The following CASTOR2 variants were observed in gnomAD, a reference collection of about 807,000 sequenced individuals.
The protein encoded by CASTOR2 is GATS protein like 2.
In CASTOR2, 8 loss-of-function variants were observed where a neutral mutation model predicts 31.2. The ratio of observed to expected loss-of-function variants is 0.26; its 90% CI spans 0.15 to 0.46. The LOEUF is 0.46. Among genes scored for constraint, CASTOR2 ranks in the 20% least tolerant of loss-of-function variants. CASTOR2 has a pLI of 0.99. For missense variants in CASTOR2, 216 were observed against 382.1 expected (o/e 0.57, Z 3.62); for synonymous variants, 162 against 158.7 (o/e 1.02, Z -0.16).
intron 1 of CASTOR2, among the ~76,000 whole-genome samples, chr7:74,993,980 G>T (rs1804276506): frequency 6.6e-6 from 1 of 152,210 alleles, no homozygotes; most frequent in Non-Finnish European, 1.5e-5. Context: ...CGGGACTCTG[G>T]CTGGGCCAGG....
chr7:75,017,403 C>A (rs1370292402), intron 2 of CASTOR2, among the ~76,000 whole-genome samples, 195 bp from the exon 3 acceptor site: 1 of 151,924 alleles, frequency 6.6e-6, no homozygotes, highest in Non-Finnish European at 1.5e-5. Flanking sequence ...GCCGAGATCG[C>A]GCTACTCCAG....
At chr7:75,014,244 T>A (rs1229888377) in intron 2 of CASTOR2, among the ~76,000 whole-genome samples, 4 of 151,704 alleles carry the variant, frequency 2.6e-5, no homozygotes, top group African/African-American at 9.7e-5. Flanking sequence ...ATGCCACGCA[T>A]GGCAAGGCAT....
At position 75,030,946 on chromosome 7, in the gene CASTOR2, G is replaced by A. The variant is rs1442580568; in HGVS notation, c.*6247G>A. 6.6e-6 allele frequency among the ~76,000 whole-genome samples: 1 copy of A among 152,180 alleles called. No individual in the cohort carries two copies. The highest frequency in any genetic ancestry group is 1.5e-5 in the Non-Finnish European group (1 of 68,038). On this transcript the variant is annotated 3_prime_UTR_variant, in exon 9 of 9. Transcript: ENST00000616305. ...AGGTCCAGAAGAATTGGAGACCCCT[G>A]CCCCTCACCCAAACTTTGGAGGTGG...
intron 4 of CASTOR2, 57 bp from the exon 5 acceptor site, chr7:75,018,915 C>T: frequency 1.3e-6 from 2 of 1,551,604 alleles, no homozygotes; most frequent in South Asian, 2.4e-5. Flanking sequence ...CCTGCACCCA[C>T]CAGAGCTGCT....
chr7:74,981,470 C>T (rs1293641490), intron 1 of CASTOR2, among the ~76,000 whole-genome samples: 1 of 147,538 alleles, frequency 6.8e-6, no homozygotes, highest in African/African-American at 2.5e-5. Context: ...CGTGAGCCAC[C>T]GTGCCCAGGC....
At chr7:74,989,547 G>C (rs1449238079) in intron 1 of CASTOR2, among the ~76,000 whole-genome samples, 1 of 150,598 alleles carries the variant, frequency 6.6e-6, no homozygotes, top group Non-Finnish European at 1.5e-5. Flanking sequence ...TCAGCCACCT[G>C]AGTAGCTGAG....
intron 1 of CASTOR2, among the ~76,000 whole-genome samples, chr7:74,977,308 C>T (rs1279872090): frequency 2.0e-5 from 3 of 151,606 alleles, no homozygotes; most frequent in East Asian, 1.9e-4. Context: ...CAGTTGCATC[C>T]GTTCTGGGCC....
rs1372273696 is a variant in CASTOR2, at chr7:75,017,665, C to T, written c.252C>T (p.Gly84=). The change falls in exon 3 of 9, where the codon GGC becomes GGT. Residue 84 remains glycine (G), a synonymous_variant. Transcript: ENST00000616305. ...ATWLALNVVS[G]GGSFSSSQPI... is the part of the protein sequence containing the mutation. ...GGCTGGCCCTGAACGTGGTGTCCGG[C>T]GGTGGCAGCTTCTCCAGCTCCCAGC... 48 of 1,614,032 alleles carry T rather than the reference C, an allele frequency of 3.0e-5. 1 individual carries two copies. The African/African-American group carries it at 3.2e-4, about 11-fold the overall frequency.
intron 1 of CASTOR2, among the ~76,000 whole-genome samples, chr7:74,987,635 G>C (rs1388647843): frequency 1.3e-5 from 2 of 152,196 alleles, no homozygotes; most frequent in Non-Finnish European, 2.9e-5. Flanking sequence ...CACCCCCGTG[G>C]GGAGTCAGGC....
chr7:75,006,430 A>G (rs1485504814), intron 1 of CASTOR2, among the ~76,000 whole-genome samples: 3 of 152,192 alleles, frequency 2.0e-5, no homozygotes, highest in Admixed American at 1.3e-4. Context: ...GAGAGGTTCT[A>G]TAGATGAGGG....
At chr7:75,013,619 G>C (rs1260793243) in intron 2 of CASTOR2, among the ~76,000 whole-genome samples, 1 of 152,014 alleles carries the variant, frequency 6.6e-6, no homozygotes, top group Non-Finnish European at 1.5e-5. Context: ...CTCCAGCCTG[G>C]GTGATAGAGC....
At chr7:74,969,332 GAGT>G (rs1210474142) in intron 1 of CASTOR2, among the ~76,000 whole-genome samples, 1 of 94,222 alleles carries the variant, frequency 1.1e-5, no homozygotes, top group Non-Finnish European at 2.1e-5. Context: ...ACCCAGGCCG[GAGT>G]GCAGTGGCGT....
At chr7:75,024,155 T>C (rs1408842447) in intron 7 of CASTOR2, among the ~76,000 whole-genome samples, 9 of 152,052 alleles carry the variant, frequency 5.9e-5, no homozygotes, top group African/African-American at 2.2e-4. Flanking sequence ...CTGGGCATGG[T>C]GGTACACGCC....
Position 75,020,063 on chromosome 7 carries a change from G to T in CASTOR2, c.660G>T (p.Gly220=). The T allele has an allele frequency of 6.4e-7, 1 of 1,551,444 alleles. No individual in the cohort carries two copies. Among genetic ancestry groups the T allele is most frequent in the Non-Finnish European group, 8.7e-7 (1 of 1,146,830 alleles). The change falls in exon 6 of 9, where the codon GGG becomes GGT. Residue 220 remains glycine (G), a synonymous_variant. Coordinates refer to ENST00000616305, the MANE Select transcript of CASTOR2 (RefSeq NM_001145064.3). The stretch of plus-strand genomic sequence containing the variant: ...GAGTGAAGGACCCCATGGCCACTGG[G>T]GATGACTGCGGCCACATCCGCTTCT... ...SNGVKDPMAT[G]DDCGHIRFFS...
At chr7:74,975,229 A>G (rs1285085368) in intron 1 of CASTOR2, among the ~76,000 whole-genome samples, 3 of 151,556 alleles carry the variant, frequency 2.0e-5, no homozygotes, top group East Asian at 2.0e-4. Flanking sequence ...TGGCCTCCCA[A>G]CGTGCTGGGA....
At position 75,012,312 on chromosome 7, in the gene CASTOR2, C is replaced by T. The variant is rs1392867152; in HGVS notation, c.184+4248C>T. Among the ~76,000 whole-genome samples the T allele has an allele frequency of 7.0e-4, 107 of 152,090 alleles. 2 individuals carry two copies. Among genetic ancestry groups the T allele is most frequent in the Non-Finnish European group, 7.9e-4 (54 of 67,978 alleles). The stretch of plus-strand genomic sequence containing the variant: ...AGAAAGAGAGTTTAGTTTTTGTTTG[C>T]TTGCTTTTCTCGAGGTAGTCTCGCT... On this transcript the variant is annotated intron_variant, in intron 2 of 8. Transcript: ENST00000616305.
At chr7:75,003,617 G>A (rs1464354129) in intron 1 of CASTOR2, among the ~76,000 whole-genome samples, 1 of 151,922 alleles carries the variant, frequency 6.6e-6, no homozygotes, top group East Asian at 1.9e-4. Flanking sequence ...GGGCGTGGTG[G>A]CGTGCGCCTG....
rs1021331995 is a variant in CASTOR2 at position 75,028,382 on chromosome 7, A to G, written c.*3683A>G. The stretch of plus-strand genomic sequence containing the variant: ...GTGATCCACCCACCTTGGCCTCCCG[A>G]AGTGCTGGGATTACAGGCATGAGCC... On this transcript the variant is annotated 3_prime_UTR_variant, in exon 9 of 9. Coordinates refer to ENST00000616305, the MANE Select transcript of CASTOR2 (RefSeq NM_001145064.3). Among the ~76,000 whole-genome samples, 3 of 152,004 alleles carry G rather than the reference A, an allele frequency of 2.0e-5. No individual in the cohort carries two copies. Among genetic ancestry groups the G allele is most frequent in the Non-Finnish European group, 2.9e-5 (2 of 67,996 alleles).
At chr7:74,990,422 A>AC (rs1376302715) in intron 1 of CASTOR2, among the ~76,000 whole-genome samples, 9 of 151,742 alleles carry the variant, frequency 5.9e-5, no homozygotes, top group African/African-American at 9.7e-5. Flanking sequence ...AACAACAACA[A>AC]AAAAACATGT....
Sources: allele counts gnomAD v4.1 joint callset (sites outside exome capture counted in the v4.1 genomes callset), GRCh38; gene constraint gnomAD v4.1.1; transcripts MANE v1.5; gene names NCBI Gene and HGNC (gene_info 2026-07-23, HGNC 2026-07-21).